Variants in CORT observed in about 807,000 individuals in gnomAD.
CORT encodes cortistatin.
CORT carries 2 observed loss-of-function variants against 4.4 expected under a neutral mutation model. The observed-to-expected ratio is 0.46, with a 90% CI of 0.19 to 1.44. CORT has a LOEUF of 1.44. Among genes scored for constraint, CORT ranks in the 40% most tolerant of loss-of-function variants. The pLI is 0.26. For missense variants in CORT, 158 were observed against 140.2 expected (o/e 1.13, Z -0.64); for synonymous variants, 72 against 62.0 (o/e 1.16, Z -0.75).
At position 10,450,239 on chromosome 1, in the gene CORT, G is replaced by A. The variant is rs142755741; in HGVS notation, c.16G>A (p.Gly6Ser). Residue 6 changes from glycine to serine, a missense_variant, in exon 1 of 2, where the codon GGC becomes AGC. By Grantham distance (56) the Gly-to-Ser change is moderately conservative. Coordinates refer to ENST00000377049, the MANE Select transcript of CORT (RefSeq NM_001302.5). ...AGCCCACAAGATGCCATTGTCCCCCGGCCTCCTGCTGCTGCTGCTCTCCGG... is the reference window on the plus strand; with the variant it reads ...AGCCCACAAGATGCCATTGTCCCCCAGCCTCCTGCTGCTGCTGCTCTCCGG... MPLSP[G>S]LLLLLLSGAT... 17 of 1,586,334 alleles carry A rather than the reference G, an allele frequency of 1.1e-5. No homozygotes were observed. Among genetic ancestry groups the A allele is most frequent in the African/African-American group, 8.1e-5 (6 of 73,816 alleles).
intron 1 of CORT, 63 bp downstream of exon 1, chr1:10,450,385 C>A: frequency 7.1e-7 from 1 of 1,415,776 alleles, no homozygotes; most frequent in Admixed American, 3.0e-5. Context: ...GGCTTTTTGG[C>A]CTGCATGGTG....
rs1447728972 is a variant in CORT, at chr1:10,451,605, C to CA, written c.*11dup. The CA allele has an allele frequency of 5.0e-6, 8 of 1,607,408 alleles. No individual in the cohort carries two copies. Among genetic ancestry groups the CA allele is most frequent in the Non-Finnish European group, 6.8e-6 (8 of 1,177,394 alleles). ...CTCCTCCTGCAAATAAAACCTCACC[C>CA]ATGAATGCTCACGCAAGTGTAATGA... On this transcript the variant is annotated 3_prime_UTR_variant, in exon 2 of 2. Transcript: ENST00000377049.
At position 10,450,076 on chromosome 1, in the gene CORT, G is replaced by A. The variant is rs759710175; in HGVS notation, c.-148G>A. ...GGAAGAGGATCCAGGCGTTAGACAT[G>A]TATAGACACAAAAACAGCTGGAGAT... On this transcript the variant is annotated 5_prime_UTR_variant, in exon 1 of 2. It removes an upstream start codon present in the reference 5' UTR. Coordinates refer to ENST00000377049, the MANE Select transcript of CORT (RefSeq NM_001302.5). 6 of 1,595,548 alleles carry A rather than the reference G, an allele frequency of 3.8e-6. No homozygotes were observed. The African/African-American group carries it at 5.4e-5, about 14-fold the overall frequency.
In CORT at chr1:10,451,520, C is replaced by T. The variant is rs773865457; in HGVS notation, c.243C>T (p.Pro81=). ...REVARRQEGA[P]PQQSARRDRM... Reference sequence around the variant, plus strand: ...TGGCCAGGCGGCAGGAAGGCGCACCCCCCCAGCAATCTGCGCGCCGGGACA... The same window carrying T: ...TGGCCAGGCGGCAGGAAGGCGCACCTCCCCAGCAATCTGCGCGCCGGGACA... Residue 81 remains proline (P), a synonymous_variant, in exon 2 of 2, where the codon CCC becomes CCT. Coordinates refer to ENST00000377049, the MANE Select transcript of CORT (RefSeq NM_001302.5). The T allele has an allele frequency of 6.2e-7, 1 of 1,614,046 alleles. No individual in the cohort carries two copies. The highest frequency in any genetic ancestry group is 8.5e-7 in the Non-Finnish European group (1 of 1,180,012).
In CORT at chr1:10,450,302, C is replaced by A; in HGVS notation, c.79C>A (p.Pro27Thr). 1 of 1,516,462 alleles carries A rather than the reference C, an allele frequency of 6.6e-7. No individual in the cohort carries two copies. Among genetic ancestry groups the A allele is most frequent in the Admixed American group, 2.2e-5 (1 of 44,968 alleles). 93.9% of individuals were successfully genotyped at this position (1,516,462 alleles called of 1,614,324 possible). A position where few individuals can be genotyped will look rare whatever the true frequency, so the allele number is the denominator to read the frequency against. The part of the protein sequence containing the change: ...ATAALPLEGG[P>T]TGRDSEHMQE... The stretch of plus-strand genomic sequence containing the variant: ...CGCTGCCCTGCCCCTGGAGGGTGGC[C>A]CCACCGGCCGAGACAGCGAGGTGAG... Residue 27 changes from proline (P) to threonine (T), a missense_variant, in exon 1 of 2, where the codon CCC (proline) becomes ACC (threonine). By Grantham distance (38) the Pro-to-Thr change is conservative. Coordinates refer to ENST00000377049, the MANE Select transcript of CORT (RefSeq NM_001302.5).
In CORT at chr1:10,450,221, A is replaced by G. The variant is rs1216981887; in HGVS notation, c.-3A>G. On this transcript the variant is annotated 5_prime_UTR_variant, in exon 1 of 2. Transcript: ENST00000377049. ...GGGAGAGAAGCTCCAGTCAGCCCAC[A>G]AGATGCCATTGTCCCCCGGCCTCCT... 6.2e-7 allele frequency: 1 copy of G among 1,605,144 alleles called. No homozygotes were observed. Among genetic ancestry groups the G allele is most frequent in the Non-Finnish European group, 8.5e-7 (1 of 1,175,836 alleles).
chr1:10,451,463 C>A lies in CORT; in HGVS notation c.186C>A (p.Ala62=). 1 of 1,614,092 alleles carries A rather than the reference C, an allele frequency of 6.2e-7. No individual in the cohort carries two copies. Among genetic ancestry groups the A allele is most frequent in the Non-Finnish European group, 8.5e-7 (1 of 1,179,972 alleles). ...WWFEWTSQAS[A]GPLIGEEARE... is the part of the protein sequence containing the mutation. ...TTGAGTGGACCTCCCAGGCCAGTGC[C>A]GGGCCCCTCATAGGAGAGGAAGCCC... Residue 62 remains alanine, a synonymous_variant, in exon 2 of 2, where the codon GCC becomes GCA. Transcript: ENST00000377049.
At position 10,451,447 on chromosome 1, in the gene CORT, C is replaced by T; in HGVS notation, c.170C>T (p.Thr57Ile). The T allele has an allele frequency of 6.2e-7, 1 of 1,613,806 alleles. No individual in the cohort carries two copies. The highest frequency in any genetic ancestry group is 8.5e-7 in the Non-Finnish European group (1 of 1,179,830). ...TTCCTCGCTTGGTGGTTTGAGTGGA[C>T]CTCCCAGGCCAGTGCCGGGCCCCTC... ...LTFLAWWFEW[T>I]SQASAGPLIG... is the part of the protein sequence containing the mutation. Residue 57 changes from threonine (T) to isoleucine (I), a missense_variant, in exon 2 of 2, where the codon ACC (threonine) becomes ATC (isoleucine). Thr to Ile is a moderately conservative substitution (Grantham distance 89). Coordinates refer to ENST00000377049, the MANE Select transcript of CORT (RefSeq NM_001302.5).
chr1:10,451,503 CG>C lies in CORT; in HGVS notation c.228del (p.Gln77ArgfsTer49). The C allele has an allele frequency of 3.1e-6, 5 of 1,614,062 alleles. No homozygotes were observed. Among genetic ancestry groups the C allele is most frequent in the Non-Finnish European group, 4.2e-6 (5 of 1,179,998 alleles). On this transcript the variant is annotated frameshift_variant, in exon 2 of 2. Coordinates refer to ENST00000377049, the MANE Select transcript of CORT (RefSeq NM_001302.5). LOFTEE classifies it low-confidence loss of function (END_TRUNC). ...IGEEAREVAR[R>X]QEGAPPQQSA... The stretch of plus-strand genomic sequence containing the variant: ...AGAGGAAGCCCGGGAGGTGGCCAGG[CG>C]GCAGGAAGGCGCACCCCCCCAGCAA...
In CORT at chr1:10,451,430, TTGG is replaced by T. The variant is rs1323900808; in HGVS notation, c.158_160del (p.Trp53del). 2 of 1,613,824 alleles carry T rather than the reference TTGG, an allele frequency of 1.2e-6. No individual in the cohort carries two copies. The highest frequency in any genetic ancestry group is 8.5e-7 in the Non-Finnish European group (1 of 1,179,802). On this transcript the variant is annotated inframe_deletion, in exon 2 of 2. Transcript: ENST00000377049. Reference sequence around the variant, plus strand: ...AAAGCAGCCTCCTGACTTTCCTCGCTTGGTGGTTTGAGTGGACCTCCCAGGCCA... The same window carrying T: ...AAAGCAGCCTCCTGACTTTCCTCGCTTGGTTTGAGTGGACCTCCCAGGCCA...
At position 10,451,539 on chromosome 1, in the gene CORT, C is replaced by G. The variant is rs145148065; in HGVS notation, c.262C>G (p.Arg88Gly). The G allele has an allele frequency of 2.5e-6, 4 of 1,613,924 alleles. No homozygotes were observed. Among genetic ancestry groups the G allele is most frequent in the South Asian group, 1.1e-5 (1 of 91,044 alleles). The change falls in exon 2 of 2, where the codon CGG becomes GGG. Residue 88 changes from arginine (R) to glycine (G), a missense_variant. Transcript: ENST00000377049. ...CGCACCCCCCCAGCAATCTGCGCGC[C>G]GGGACAGAATGCCCTGCAGGAACTT... ...EGAPPQQSAR[R>G]DRMPCRNFFW...
At position 10,450,197 on chromosome 1, in the gene CORT, G is replaced by A. The variant is rs1282269741; in HGVS notation, c.-27G>A. 1.2e-6 allele frequency: 2 copies of A among 1,611,400 alleles called. No individual in the cohort carries two copies. The highest frequency in any genetic ancestry group is 1.7e-6 in the Non-Finnish European group (2 of 1,178,802). ...AGGAAGGAAGAGCAGCAGCAGGGTG[G>A]GAGAGAAGCTCCAGTCAGCCCACAA... On this transcript the variant is annotated 5_prime_UTR_variant, in exon 1 of 2. Coordinates refer to ENST00000377049, the MANE Select transcript of CORT (RefSeq NM_001302.5).
chr1:10,450,228 C>T lies in CORT; in HGVS notation c.5C>T (p.Pro2Leu), dbSNP rs766073481. The change falls in exon 1 of 2, where the codon CCA becomes CTA. Residue 2 changes from proline to leucine, a missense_variant. Coordinates refer to ENST00000377049, the MANE Select transcript of CORT (RefSeq NM_001302.5). ...AAGCTCCAGTCAGCCCACAAGATGCCATTGTCCCCCGGCCTCCTGCTGCTG... is the reference window on the plus strand; with the variant it reads ...AAGCTCCAGTCAGCCCACAAGATGCTATTGTCCCCCGGCCTCCTGCTGCTG... M[P>L]LSPGLLLLLL... The T allele has an allele frequency of 5.0e-6, 8 of 1,599,358 alleles. No individual in the cohort carries two copies. Among genetic ancestry groups the T allele is most frequent in the Non-Finnish European group, 6.8e-6 (8 of 1,172,652 alleles).
chr1:10,450,392 G>GGT (rs900252730), intron 1 of CORT, 70 bp downstream of exon 1: 251 of 1,384,482 alleles, frequency 1.8e-4, no homozygotes, highest in Middle Eastern at 2.5e-4. Context: ...TGGCCTGCAT[G>GGT]GTGTGTGTGT....
chr1:10,450,475 A>C (rs1640749948), intron 1 of CORT, among the ~76,000 whole-genome samples, 153 bp downstream of exon 1: 1 of 152,164 alleles, frequency 6.6e-6, no homozygotes, highest in African/African-American at 2.4e-5. Context: ...GGCTGGCCCG[A>C]GGTACTGGGA....
At chr1:10,451,125 AAC>A (rs1014056720) in intron 1 of CORT, among the ~76,000 whole-genome samples, 12 of 152,174 alleles carry the variant, frequency 7.9e-5, no homozygotes, top group African/African-American at 2.9e-4. Flanking sequence ...TAAAATGACC[AAC>A]TTTTCTCTAA....
At position 10,451,447 on chromosome 1, in the gene CORT, C is replaced by A; in HGVS notation, c.170C>A (p.Thr57Asn). 1 of 1,613,806 alleles carries A rather than the reference C, an allele frequency of 6.2e-7. No homozygotes were observed. Among genetic ancestry groups the A allele is most frequent in the Non-Finnish European group, 8.5e-7 (1 of 1,179,830 alleles). Residue 57 changes from threonine (T) to asparagine (N), a missense_variant, in exon 2 of 2, where the codon ACC becomes AAC. Coordinates refer to ENST00000377049, the MANE Select transcript of CORT (RefSeq NM_001302.5). ...TTCCTCGCTTGGTGGTTTGAGTGGA[C>A]CTCCCAGGCCAGTGCCGGGCCCCTC... ...LTFLAWWFEW[T>N]SQASAGPLIG...
chr1:10,451,698 G>C lies in CORT; in HGVS notation c.*103G>C, dbSNP rs999106415. On this transcript the variant is annotated 3_prime_UTR_variant, in exon 2 of 2. Coordinates refer to ENST00000377049, the MANE Select transcript of CORT (RefSeq NM_001302.5). ...TCCTCCTTCCCAAGTCATTTGAAAA[G>C]TGTTTGTTATTTAAATTCCAATAAT... is the stretch of plus-strand genomic sequence containing the variant. 2 of 1,436,352 alleles carry C rather than the reference G, an allele frequency of 1.4e-6. No homozygotes were observed. The highest frequency in any genetic ancestry group is 2.9e-5 in the African/African-American group (2 of 69,326). The allele number at this position is 1,436,352 out of a possible 1,614,324, so 89.0% of individuals were successfully genotyped here.
Position 10,450,408 on chromosome 1 carries a change from C to T in CORT, c.99+86C>T, listed in dbSNP as rs1402726981. The T allele has an allele frequency of 2.1e-5, 27 of 1,301,896 alleles. 1 individual carries two copies. Among genetic ancestry groups the T allele is most frequent in the Middle Eastern group, 2.8e-4 (1 of 3,568 alleles). 80.6% of individuals were successfully genotyped at this position (1,301,896 alleles called of 1,614,324 possible). On this transcript the variant is annotated intron_variant, in intron 1 of 1. Coordinates refer to ENST00000377049, the MANE Select transcript of CORT (RefSeq NM_001302.5). ...GGCCTGCATGGTGTGTGTGTGTGCA[C>T]GTGTGTTGCACTTCACAGCTTGGAC...
Sources: gnomAD v4.1 joint callset for allele counts (sites outside exome capture counted in the v4.1 genomes callset) on GRCh38, gnomAD v4.1.1 for gene constraint, MANE v1.5 for transcripts, NCBI Gene and HGNC (gene_info 2026-07-23, HGNC 2026-07-21) for gene names.